The following ACSL3 variants were observed in gnomAD, a reference collection of about 807,000 sequenced individuals.
ACSL3 encodes the protein fatty acid CoA ligase Acsl3.
A neutral mutation model predicts 84.7 loss-of-function variants in ACSL3; 34 were observed. The observed-to-expected ratio is 0.40, with a 90% CI of 0.31 to 0.53. The LOEUF (loss-of-function observed/expected upper bound fraction) is 0.53. Among genes scored for constraint, ACSL3 ranks in the 20% least tolerant of loss-of-function variants. The pLI, the probability that ACSL3 is intolerant of heterozygous loss-of-function variation, is 0.48. For synonymous variants in ACSL3, 315 were observed against 299.4 expected (o/e 1.05, Z -0.54); for missense variants, 680 against 873.1 (o/e 0.78, Z 2.79).
intron 3 of ACSL3, among the ~76,000 whole-genome samples, chr2:222,901,428 A>G (rs1696146516): frequency 6.6e-6 from 1 of 152,230 alleles, no homozygotes; most frequent in Non-Finnish European, 1.5e-5. Context: ...TCCTTTTGCC[A>G]GTACCACACC....
At chr2:222,891,857 TAAAAA>T (rs1251211734) in intron 2 of ACSL3, among the ~76,000 whole-genome samples, 1 of 152,214 alleles carries the variant, frequency 6.6e-6, no homozygotes, top group Non-Finnish European at 1.5e-5. Context: ...ATAGTTTTCT[TAAAAA>T]TAAAATACCA....
chr2:222,920,335 C>T (rs1487735389), intron 7 of ACSL3, among the ~76,000 whole-genome samples: 2 of 152,144 alleles, frequency 1.3e-5, no homozygotes, highest in African/African-American at 2.4e-5. Context: ...TAGAGTAGTT[C>T]TGGGAGTGGT....
intron 15 of ACSL3, among the ~76,000 whole-genome samples, chr2:222,934,021 TC>T (rs1391287531): frequency 6.6e-6 from 1 of 152,176 alleles, no homozygotes; most frequent in East Asian, 1.9e-4. Flanking sequence ...TTTATGGCCT[TC>T]AAAAAAGTAT....
chr2:222,916,498 T>C lies in ACSL3; in HGVS notation c.556+2T>C. The C allele has an allele frequency of 6.4e-7, 1 of 1,566,300 alleles. No homozygotes were observed. Among genetic ancestry groups the C allele is most frequent in the East Asian group, 2.3e-5 (1 of 44,172 alleles). On this transcript the variant is annotated splice_donor_variant, in intron 5 of 16. Transcript: ENST00000357430. LOFTEE classifies it high-confidence loss of function. ...CGTGTTTTATGTATAATTTTCAGCG[T>C]ATGTAGACTTTCTTATCTTCTGGAA...
chr2:222,903,924 T>G (rs1559289587), intron 3 of ACSL3, among the ~76,000 whole-genome samples: 1 of 136,644 alleles, frequency 7.3e-6, no homozygotes, highest in Non-Finnish European at 1.5e-5. Context: ...CCAAACAAAC[T>G]GAAGTTCCCT....
chr2:222,879,017 AC>A (rs1480508184), intron 1 of ACSL3, among the ~76,000 whole-genome samples: 2 of 152,180 alleles, frequency 1.3e-5, no homozygotes, highest in Non-Finnish European at 2.9e-5. Flanking sequence ...CTTAAAAAAA[AC>A]AACAACACAC....
intron 1 of ACSL3, among the ~76,000 whole-genome samples, chr2:222,865,859 G>A (rs1034027232): frequency 1.3e-5 from 2 of 151,402 alleles, no homozygotes; most frequent in Non-Finnish European, 2.9e-5. Context: ...ATGTTATAAC[G>A]CTACCAAAGA....
Position 222,901,963 on chromosome 2 carries a change from A to AT in ACSL3, c.-41+1183_-41+1184insT, listed in dbSNP as rs1559288645. Among the ~76,000 whole-genome samples, 108 of 21,354 alleles carry AT rather than the reference A, an allele frequency of 5.1e-3. 12 individuals are homozygous for AT. The highest frequency in any genetic ancestry group is 0.028 in the African/African-American group (96 of 3,376). 14.0% of individuals were successfully genotyped at this position (21,354 alleles called of 152,430 possible). On this transcript the variant is annotated intron_variant, in intron 3 of 16. Coordinates refer to ENST00000357430, the MANE Select transcript of ACSL3 (RefSeq NM_004457.5). ...GGTCTCAAAAAAAAAAAAAAAAAAA[A>AT]AGAACTCAAATATTGTTGAGGTAGC...
intron 2 of ACSL3, among the ~76,000 whole-genome samples, chr2:222,899,360 A>G (rs966860420): frequency 6.6e-6 from 1 of 152,188 alleles, no homozygotes; most frequent in Non-Finnish European, 1.5e-5. Context: ...CTGTCGTCCC[A>G]GCTACTCAGG....
intron 3 of ACSL3, among the ~76,000 whole-genome samples, chr2:222,901,943 C>CT (rs1696162514): frequency 1.6e-4 from 2 of 12,388 alleles, no homozygotes; most frequent in African/African-American, 6.5e-4. Flanking sequence ...GACTCGGTCT[C>CT]AAAAAAAAAA....
chr2:222,943,177 G>C lies in ACSL3; in HGVS notation c.*1523G>C, dbSNP rs1697371100. 1 of 225,974 alleles carries C rather than the reference G, an allele frequency of 4.4e-6. No homozygotes were observed. Among genetic ancestry groups the C allele is most frequent in the Admixed American group, 5.7e-5 (1 of 17,536 alleles). 14.0% of individuals were successfully genotyped at this position (225,974 alleles called of 1,614,324 possible). On this transcript the variant is annotated 3_prime_UTR_variant, in exon 17 of 17. Coordinates refer to ENST00000357430, the MANE Select transcript of ACSL3 (RefSeq NM_004457.5). ...AGGAGCAGCCAGGACTGTGTAGTGTGTGTTTGGTTGCATCACAAACATCGT... is the reference window on the plus strand; with the variant it reads ...AGGAGCAGCCAGGACTGTGTAGTGTCTGTTTGGTTGCATCACAAACATCGT...
At position 222,944,574 on chromosome 2, in the gene ACSL3, T is replaced by G. The variant is rs1697412963; in HGVS notation, c.*2920T>G. On this transcript the variant is annotated 3_prime_UTR_variant, in exon 17 of 17. Transcript: ENST00000357430. ...AAAGAGCTACATGGTATGGACTATT[T>G]ATTTGTAATTTGACATAAAGTTTGA... is the stretch of plus-strand genomic sequence containing the variant. 1 of 152,058 alleles carries G rather than the reference T, an allele frequency of 6.6e-6. No individual in the cohort carries two copies. Among genetic ancestry groups the G allele is most frequent in the African/African-American group, 2.4e-5 (1 of 41,434 alleles). 9.4% of individuals were successfully genotyped at this position (152,058 alleles called of 1,614,324 possible).
intron 6 of ACSL3, 48 bp downstream of exon 6, chr2:222,918,203 A>T (rs1053724570): frequency 6.3e-6 from 8 of 1,277,100 alleles, no homozygotes; most frequent in Non-Finnish European, 9.0e-6. Context: ...TAGAATTTTC[A>T]GTGTCATGAG....
At chr2:222,887,912 C>T (rs1695761102) in intron 2 of ACSL3, 24 bp downstream of exon 2, 1 of 152,088 alleles carries the variant, frequency 6.6e-6, no homozygotes, top group Non-Finnish European at 1.5e-5. Flanking sequence ...TTTTTTATTA[C>T]AATAGATTTC....
chr2:222,894,588 G>A (rs545963091), intron 2 of ACSL3, among the ~76,000 whole-genome samples: 1 of 152,316 alleles, frequency 6.6e-6, no homozygotes, highest in East Asian at 1.9e-4. Context: ...AGTTGTGAGA[G>A]TTTAGTGAAG....
intron 1 of ACSL3, among the ~76,000 whole-genome samples, chr2:222,870,658 C>A (rs1424530994): frequency 6.6e-6 from 1 of 152,036 alleles, no homozygotes; most frequent in Non-Finnish European, 1.5e-5. Context: ...AAAGGACATT[C>A]CAGGTAGAGC....
chr2:222,885,349 CTT>C (rs1245671532), intron 1 of ACSL3, among the ~76,000 whole-genome samples: 4 of 152,070 alleles, frequency 2.6e-5, no homozygotes. Flanking sequence ...CAAGATCTAT[CTT>C]GTTTGCCATA....
Position 222,924,597 on chromosome 2 carries a change from T to C in ACSL3, c.1292+2T>C. 1 of 1,595,036 alleles carries C rather than the reference T, an allele frequency of 6.3e-7. No homozygotes were observed. Among genetic ancestry groups the C allele is most frequent in the Non-Finnish European group, 8.5e-7 (1 of 1,173,210 alleles). On this transcript the variant is annotated splice_donor_variant, in intron 11 of 16. Coordinates refer to ENST00000357430, the MANE Select transcript of ACSL3 (RefSeq NM_004457.5). LOFTEE classifies it high-confidence loss of function. ...ACGTAATACTCCACTGTGCGACAGG[T>C]AAGTAAAGACTCTCTACCTCCTTCT...
chr2:222,924,523 A>G lies in ACSL3; in HGVS notation c.1220A>G (p.Asn407Ser). ...AGTGAAATGAGTAGTTTTCAACGTA[A>G]TCTGTTTATTCTGGCCTATAATTAC... ...KVSEMSSFQR[N>S]LFILAYNYKM... Residue 407 changes from asparagine (N) to serine (S), a missense_variant, in exon 11 of 17, where the codon AAT becomes AGT. Physicochemically the swap from Asn to Ser is conservative, Grantham distance 46 (BLOSUM62 1). Transcript: ENST00000357430. The G allele has an allele frequency of 6.2e-7, 1 of 1,611,290 alleles. No homozygotes were observed. Among genetic ancestry groups the G allele is most frequent in the Non-Finnish European group, 8.5e-7 (1 of 1,178,702 alleles).
Sources: gnomAD v4.1 joint callset for allele counts (sites outside exome capture counted in the v4.1 genomes callset) on GRCh38, gnomAD v4.1.1 for gene constraint, MANE v1.5 for transcripts, NCBI Gene and HGNC (gene_info 2026-07-23, HGNC 2026-07-21) for gene names.